WDPCP: variants seen among roughly 807,000 people sequenced by gnomAD.
WDPCP encodes the protein WD repeat-containing and planar cell polarity effector protein fritz homolog.
WDPCP carries 71 observed loss-of-function variants against 93.1 expected under a neutral mutation model. The ratio of observed to expected loss-of-function variants is 0.76; its 90% CI spans 0.63 to 0.93. The LOEUF is 0.93. WDPCP is among the 40% of genes least tolerant of loss of function. The pLI is 0.00. For missense variants in WDPCP, 844 were observed against 887.4 expected (o/e 0.95, Z 0.62); for synonymous variants, 315 against 315.0 (o/e 1.00, Z 0.00).
intron 3 of WDPCP, among the ~76,000 whole-genome samples, chr2:63,625,098 T>C (rs1709796646): frequency 6.6e-6 from 1 of 152,214 alleles, no homozygotes; most frequent in South Asian, 2.1e-4. Flanking sequence ...TCTCAACAGA[T>C]GCAGAAAAGG....
intron 13 of WDPCP, among the ~76,000 whole-genome samples, chr2:63,278,525 A>G (rs928592160): frequency 6.6e-6 from 1 of 152,208 alleles, no homozygotes; most frequent in Admixed American, 6.5e-5. Context: ...AGTGAGATTA[A>G]CCAAGCAAAG....
intron 1 of WDPCP, 118 bp downstream of exon 1, chr2:63,588,079 G>T: frequency 8.0e-7 from 1 of 1,255,064 alleles, no homozygotes; most frequent in Non-Finnish European, 1.1e-6. Context: ...CTCAGAAAAG[G>T]GACCGGCGAG....
chr2:63,270,849 C>A (rs1381256693), intron 13 of WDPCP, among the ~76,000 whole-genome samples: 3 of 152,186 alleles, frequency 2.0e-5, no homozygotes, highest in Non-Finnish European at 2.9e-5. Flanking sequence ...TGCAGTGGCA[C>A]TGTTCCAGAC....
intron 17 of WDPCP, among the ~76,000 whole-genome samples, chr2:63,148,480 C>T (rs1671673577): frequency 1.3e-5 from 2 of 152,080 alleles, no homozygotes; most frequent in African/African-American, 4.8e-5. Flanking sequence ...GCTGGGATTA[C>T]AGGCGTGTAC....
chr2:63,233,540 TC>T, intron 14 of WDPCP: 1 of 175,302 alleles, frequency 5.7e-6, no homozygotes, highest in Non-Finnish European at 1.2e-5. Context: ...GCCAAAATAT[TC>T]CAGCATCTCT....
intron 14 of WDPCP, among the ~76,000 whole-genome samples, chr2:63,215,419 TCTG>T (rs1677235525): frequency 1.3e-5 from 2 of 152,190 alleles, no homozygotes; most frequent in African/African-American, 4.8e-5. Context: ...TCTGCAACCA[TCTG>T]ATCTTTGACA....
At chr2:63,571,390 C>G (rs1208734688) in intron 1 of WDPCP, 1 of 462,482 alleles carries the variant, frequency 2.2e-6, no homozygotes, top group Non-Finnish European at 4.4e-6. Flanking sequence ...CTGGAGTTCT[C>G]CATTCCTCAG....
intron 1 of WDPCP, among the ~76,000 whole-genome samples, chr2:63,551,427 G>A (rs1362155454): frequency 1.3e-5 from 2 of 152,082 alleles, no homozygotes; most frequent in East Asian, 3.9e-4. Flanking sequence ...GAGTTCAAGT[G>A]AGATCGGGTT....
chr2:63,302,591 T>C (rs1401290655), intron 13 of WDPCP, among the ~76,000 whole-genome samples: 1 of 152,206 alleles, frequency 6.6e-6, no homozygotes, highest in Admixed American at 6.5e-5. Flanking sequence ...TAAAAATTTC[T>C]TACCAGTTGG....
At chr2:63,809,964 T>C (rs1670837539) in intron 2 of WDPCP, among the ~76,000 whole-genome samples, 4 of 152,048 alleles carry the variant, frequency 2.6e-5, no homozygotes, top group South Asian at 2.1e-4. Context: ...TCCTTCATGA[T>C]AAATATTTTT....
chr2:63,457,536 A>T (rs1318510851), intron 6 of WDPCP, among the ~76,000 whole-genome samples: 1 of 152,206 alleles, frequency 6.6e-6, no homozygotes, highest in Non-Finnish European at 1.5e-5. Context: ...CCTAAATAAA[A>T]ATAGATGCAA....
intron 2 of WDPCP, among the ~76,000 whole-genome samples, chr2:63,762,388 G>T (rs1467467555): frequency 6.6e-6 from 1 of 151,846 alleles, no homozygotes; most frequent in East Asian, 1.9e-4. Context: ...CACTGAGGAG[G>T]GTAAGAAAAA....
intron 2 of WDPCP, among the ~76,000 whole-genome samples, chr2:63,782,383 C>T (rs1670408114): frequency 6.6e-6 from 1 of 152,104 alleles, no homozygotes; most frequent in Non-Finnish European, 1.5e-5. Context: ...ATACAACCTA[C>T]AGAATGGGAG....
At chr2:63,223,267 T>C (rs537469785) in intron 14 of WDPCP, among the ~76,000 whole-genome samples, 3 of 152,272 alleles carry the variant, frequency 2.0e-5, no homozygotes, top group African/African-American at 7.2e-5. Context: ...TGCAACTATT[T>C]GGATAATTTC....
intron 9 of WDPCP, among the ~76,000 whole-genome samples, chr2:63,418,744 G>C (rs2093701935): frequency 6.6e-6 from 1 of 152,122 alleles, no homozygotes; most frequent in African/African-American, 2.4e-5. Context: ...GATAATTAAA[G>C]GAAGAAGAAA....
intron 1 of WDPCP, among the ~76,000 whole-genome samples, chr2:63,543,533 CAAATTAA>C (rs1283909538): frequency 6.6e-6 from 1 of 151,852 alleles, no homozygotes; most frequent in Non-Finnish European, 1.5e-5. Flanking sequence ...AAAACCTCTC[CAAATTAA>C]GACTTAAGGC....
At chr2:63,134,471 C>T (rs1280477009) in intron 17 of WDPCP, among the ~76,000 whole-genome samples, 6 of 152,194 alleles carry the variant, frequency 3.9e-5, no homozygotes, top group South Asian at 4.1e-4. Flanking sequence ...TATATGCATA[C>T]ACAAACACCC....
intron 12 of WDPCP, among the ~76,000 whole-genome samples, chr2:63,369,794 T>C (rs1050663243): frequency 1.3e-5 from 2 of 152,194 alleles, no homozygotes; most frequent in African/African-American, 4.8e-5. Flanking sequence ...TACATAATCA[T>C]GATATTCCCT....
chr2:63,598,090 A>G (rs1709352206), intron 3 of WDPCP: 1 of 152,076 alleles, frequency 6.6e-6, no homozygotes, highest in South Asian at 2.1e-4. Flanking sequence ...AGATTCTAAT[A>G]TGTCTTAATA....
Sources: allele counts gnomAD v4.1 joint callset (sites outside exome capture counted in the v4.1 genomes callset), GRCh38; gene constraint gnomAD v4.1.1; transcripts MANE v1.5; gene names NCBI Gene and HGNC (gene_info 2026-07-23, HGNC 2026-07-21).